SMAD5: variants seen among roughly 807,000 people sequenced by gnomAD.
The protein encoded by SMAD5 is SMAD family member 5, also known as MAD, mothers against decapentaplegic homolog 5.
In SMAD5, 9 loss-of-function variants were observed where a neutral mutation model predicts 43.1. The ratio of observed to expected loss-of-function variants is 0.21; its 90% CI spans 0.13 to 0.36. The LOEUF is 0.36. Among genes scored for constraint, SMAD5 ranks in the 10% least tolerant of loss-of-function variants. The pLI is 1.00. For synonymous variants in SMAD5, 190 were observed against 192.4 expected (o/e 0.99, Z 0.10); for missense variants, 348 against 574.0 (o/e 0.61, Z 4.02).
chr5:136,134,630 C>T (rs1346687474), intron 1 of SMAD5: 1 of 152,054 alleles, frequency 6.6e-6, no homozygotes, highest in Non-Finnish European at 1.5e-5. Context: ...ATTTTTTTCT[C>T]TACAGTGAAA....
In SMAD5 at chr5:136,175,192, G is replaced by T. The variant is rs545012843; in HGVS notation, c.1254+560G>T. On this transcript the variant is annotated intron_variant, in intron 7 of 7. Coordinates refer to ENST00000545279, the MANE Select transcript of SMAD5 (RefSeq NM_005903.7). Reference sequence around the variant, plus strand: ...ACAGTATGGGGGAAACTGCCCCCATGATTCAGTTATCTCCCACTGGGTCCT... The same window carrying T: ...ACAGTATGGGGGAAACTGCCCCCATTATTCAGTTATCTCCCACTGGGTCCT... Among the ~76,000 whole-genome samples, 24 of 152,302 alleles carry T rather than the reference G, an allele frequency of 1.6e-4. 1 individual carries two copies. The highest frequency in any genetic ancestry group is 5.8e-4 in the African/African-American group (24 of 41,560).
At chr5:136,168,999 G>A (rs1275021476) in intron 5 of SMAD5, among the ~76,000 whole-genome samples, 1 of 152,100 alleles carries the variant, frequency 6.6e-6, no homozygotes, top group Non-Finnish European at 1.5e-5. Context: ...TGACTCATGT[G>A]ATCACAAGGT....
chr5:136,157,997 T>A (rs1753698544), intron 3 of SMAD5, among the ~76,000 whole-genome samples: 1 of 152,184 alleles, frequency 6.6e-6, no homozygotes, highest in Non-Finnish European at 1.5e-5. Flanking sequence ...ACCTACCTAA[T>A]AGGTTGTTAT....
At chr5:136,138,416 A>T (rs971136653) in intron 1 of SMAD5, among the ~76,000 whole-genome samples, 4 of 152,226 alleles carry the variant, frequency 2.6e-5, no homozygotes, top group African/African-American at 9.6e-5. Flanking sequence ...CGCCCATGTA[A>T]TTGTATCCTG....
intron 5 of SMAD5, among the ~76,000 whole-genome samples, chr5:136,168,945 AG>A (rs1447519643): frequency 7.9e-5 from 12 of 152,316 alleles, no homozygotes; most frequent in Admixed American, 6.5e-4. Flanking sequence ...CAGAACTAAT[AG>A]GATATATGTA....
At chr5:136,139,896 A>G (rs938542541) in intron 1 of SMAD5, among the ~76,000 whole-genome samples, 2 of 151,970 alleles carry the variant, frequency 1.3e-5, no homozygotes, top group African/African-American at 4.8e-5. Flanking sequence ...TTTTGTAGAG[A>G]TGGAGTTTTA....
Position 136,160,867 on chromosome 5 carries a change from G to A in SMAD5, c.415G>A (p.Val139Ile). Residue 139 changes from valine (V) to isoleucine (I), a missense_variant, in exon 4 of 8, where the codon GTA becomes ATA. By Grantham distance (29) the Val-to-Ile change is conservative. Transcript: ENST00000545279. ...TTTTTGTTTTTCAGTCTTACCTCCA[G>A]TATTAGTGCCTCGTCATAATGAATT... ...KRVESPVLPP[V>I]LVPRHNEFNP... 6.2e-7 allele frequency: 1 copy of A among 1,613,734 alleles called. No homozygotes were observed. The highest frequency in any genetic ancestry group is 8.5e-7 in the Non-Finnish European group (1 of 1,179,804).
chr5:136,153,693 C>T lies in SMAD5; in HGVS notation c.-68C>T, dbSNP rs561609348. On this transcript the variant is annotated 5_prime_UTR_variant, in exon 3 of 8. Coordinates refer to ENST00000545279, the MANE Select transcript of SMAD5 (RefSeq NM_005903.7). Reference sequence around the variant, plus strand: ...CTTAGGACCTGTGTATGACGTTTCACCTGTGATCTGTTCTTTCGGTAGCCA... The same window carrying T: ...CTTAGGACCTGTGTATGACGTTTCATCTGTGATCTGTTCTTTCGGTAGCCA... 2 of 1,353,922 alleles carry T rather than the reference C, an allele frequency of 1.5e-6. No individual in the cohort carries two copies. Among genetic ancestry groups the T allele is most frequent in the Admixed American group, 4.2e-5 (2 of 47,390 alleles). The allele number at this position is 1,353,922 out of a possible 1,614,324, so 83.9% of individuals were successfully genotyped here.
intron 5 of SMAD5, 57 bp from the exon 6 acceptor site, chr5:136,172,376 TG>T: frequency 9.9e-7 from 1 of 1,012,752 alleles, no homozygotes; most frequent in Non-Finnish European, 1.5e-6. Flanking sequence ...GATAAACACA[TG>T]GACAATCTGA....
chr5:136,147,685 A>C (rs1005727192), intron 1 of SMAD5, 147 bp from the exon 2 acceptor site: 3 of 151,842 alleles, frequency 2.0e-5, no homozygotes, highest in African/African-American at 7.2e-5. Context: ...GCTGTTTTGA[A>C]ATTTAATGAT....
rs1217523223 is a variant in SMAD5, at chr5:136,180,582, A to G, written c.*3102A>G. On this transcript the variant is annotated 3_prime_UTR_variant, in exon 8 of 8. Transcript: ENST00000545279. ...GTATTGCCTGGCTGACGTGAAATGT[A>G]AACTAGTAGGCGTGTTATTGATCTG... 6.6e-6 allele frequency: 1 copy of G among 152,214 alleles called. No individual in the cohort carries two copies. Among genetic ancestry groups the G allele is most frequent in the African/African-American group, 2.4e-5 (1 of 41,468 alleles). The allele number at this position is 152,214 out of a possible 1,614,324, so 9.4% of individuals were successfully genotyped here. A position where few individuals can be genotyped will look rare whatever the true frequency, so the allele number is the denominator to read the frequency against.
At chr5:136,136,988 T>C (rs942324546) in intron 1 of SMAD5, among the ~76,000 whole-genome samples, 3 of 150,942 alleles carry the variant, frequency 2.0e-5, no homozygotes, top group Non-Finnish European at 4.4e-5. Flanking sequence ...TGAGCCACCG[T>C]GCCTGGCTGG....
chr5:136,149,428 T>A (rs1753375011), intron 2 of SMAD5, among the ~76,000 whole-genome samples: 1 of 151,942 alleles, frequency 6.6e-6, no homozygotes, highest in Non-Finnish European at 1.5e-5. Flanking sequence ...CTAATGTATA[T>A]TCCTACTATC....
intron 2 of SMAD5, among the ~76,000 whole-genome samples, chr5:136,151,898 C>T (rs186776600): frequency 1.4e-4 from 22 of 152,242 alleles, no homozygotes; most frequent in African/African-American, 5.1e-4. Flanking sequence ...TGGATTTTAT[C>T]ATACATCCTT....
intron 3 of SMAD5, among the ~76,000 whole-genome samples, chr5:136,158,892 C>G (rs1753733871): frequency 7.5e-6 from 1 of 132,836 alleles, no homozygotes; most frequent in Non-Finnish European, 1.6e-5. Context: ...GAGCGAGACT[C>G]CATCTCAAAA....
At chr5:136,140,493 T>C (rs2149759899) in intron 1 of SMAD5, among the ~76,000 whole-genome samples, 1 of 152,300 alleles carries the variant, frequency 6.6e-6, no homozygotes, top group African/African-American at 2.4e-5. Flanking sequence ...AGCCAGTATA[T>C]GCTCTTCATG....
At chr5:136,173,862 T>TA (rs1356522260) in intron 6 of SMAD5, among the ~76,000 whole-genome samples, 2 of 151,778 alleles carry the variant, frequency 1.3e-5, no homozygotes, top group African/African-American at 2.4e-5. Context: ...TATATATTTT[T>TA]AAATATAAAA....
intron 1 of SMAD5, among the ~76,000 whole-genome samples, chr5:136,142,608 A>G (rs145428820): frequency 6.6e-6 from 1 of 152,300 alleles, no homozygotes; most frequent in African/African-American, 2.4e-5. Context: ...TATCAAGTCA[A>G]GTCTTCATAA....
At chr5:136,175,012 G>A (rs1368835893) in intron 7 of SMAD5, among the ~76,000 whole-genome samples, 3 of 152,162 alleles carry the variant, frequency 2.0e-5, no homozygotes, top group Non-Finnish European at 2.9e-5. Context: ...ACAGTTCCAC[G>A]TGGCTGGGGA....
Sources: gnomAD v4.1 joint callset for allele counts (sites outside exome capture counted in the v4.1 genomes callset) on GRCh38, gnomAD v4.1.1 for gene constraint, MANE v1.5 for transcripts, NCBI Gene and HGNC (gene_info 2026-07-23, HGNC 2026-07-21) for gene names.